Variants in RNF150 observed in about 807,000 individuals in gnomAD.
The protein encoded by RNF150 is ring finger protein 150.
RNF150 carries 24 observed loss-of-function variants against 39.3 expected under a neutral mutation model. The ratio of observed to expected loss-of-function variants is 0.61; its 90% confidence interval spans 0.44 to 0.86. The LOEUF (loss-of-function observed/expected upper bound fraction) is 0.86. Ranked by LOEUF, RNF150 falls within the 40% of genes least tolerant of loss-of-function variation. RNF150 has a pLI of 0.00. For missense variants in RNF150, 502 were observed against 587.8 expected (o/e 0.85, Z 1.51); for synonymous variants, 255 against 227.3 (o/e 1.12, Z -1.10).
At chr4:140,960,898 C>T (rs951537718) in intron 2 of RNF150, among the ~76,000 whole-genome samples, 2 of 152,136 alleles carry the variant, frequency 1.3e-5, no homozygotes, top group Admixed American at 1.3e-4. Context: ...TAACAACCCT[C>T]TAATAATATG....
intron 1 of RNF150, among the ~76,000 whole-genome samples, chr4:141,160,818 C>A (rs1012638110): frequency 6.6e-6 from 1 of 152,210 alleles, no homozygotes; most frequent in Admixed American, 6.5e-5. Context: ...GAAGCCTCCC[C>A]AGGAGCTGAG....
chr4:140,973,874 T>TAA lies in RNF150; in HGVS notation c.485-6003_485-6002dup, dbSNP rs566506401. 2.8e-3 allele frequency among the ~76,000 whole-genome samples: 311 copies of TAA among 110,466 alleles called. 3 individuals carry two copies. Among genetic ancestry groups the TAA allele is most frequent in the African/African-American group, 8.7e-3 (250 of 28,590 alleles). The allele number at this position is 110,466 out of a possible 152,430, so 72.5% of individuals were successfully genotyped here. A position where few individuals can be genotyped will look rare whatever the true frequency, so the allele number is the denominator to read the frequency against. The stretch of plus-strand genomic sequence containing the variant: ...CCTGGGTGACAAGTGAGACTCTGTT[T>TAA]AAAAAAAAAAAAAAAAAAAAAAAGA... On this transcript the variant is annotated intron_variant, in intron 1 of 6. Transcript: ENST00000515673.
chr4:141,207,976 G>A (rs1244921687), intron 1 of RNF150, among the ~76,000 whole-genome samples: 1 of 149,554 alleles, frequency 6.7e-6, no homozygotes, highest in East Asian at 2.0e-4. Flanking sequence ...AAAAAAAAGC[G>A]TTGAGGAAAC....
At chr4:140,964,955 G>T (rs1340498920) in intron 2 of RNF150, among the ~76,000 whole-genome samples, 1 of 151,652 alleles carries the variant, frequency 6.6e-6, no homozygotes, top group Non-Finnish European at 1.5e-5. Flanking sequence ...ATATGAGGGG[G>T]GGAGAGATTA....
In RNF150 at chr4:140,925,977, C is replaced by T; in HGVS notation, c.987G>A (p.Pro329=). Residue 329 remains proline, a splice_region_variant and synonymous_variant, in exon 5 of 7, where the codon CCG becomes CCA. Transcript: ENST00000515673. ...ATGCTGTAGGCTGTGCTGTGCTTAC[C>T]GGGATCCCTAGGGCTTTAAGAATGT... The part of the protein sequence containing the change: ...KMNILKALGI[P]PNADCMDDLP... The T allele has an allele frequency of 2.5e-6, 4 of 1,606,372 alleles. No individual in the cohort carries two copies. The highest frequency in any genetic ancestry group is 3.4e-6 in the Non-Finnish European group (4 of 1,172,990).
At chr4:141,103,874 C>A (rs1055494332) in intron 1 of RNF150, among the ~76,000 whole-genome samples, 9 of 152,030 alleles carry the variant, frequency 5.9e-5, no homozygotes, top group Admixed American at 2.6e-4. Flanking sequence ...TAGGATGATT[C>A]TATTTTCAAA....
intron 1 of RNF150, among the ~76,000 whole-genome samples, chr4:141,159,887 T>G (rs1727481366): frequency 1.3e-5 from 2 of 152,108 alleles, no homozygotes; most frequent in South Asian, 4.1e-4. Context: ...TTTCAGCCAT[T>G]GTCAAATGCC....
chr4:141,000,006 A>AAGG (rs1734563075), intron 1 of RNF150, among the ~76,000 whole-genome samples: 1 of 31,366 alleles, frequency 3.2e-5, no homozygotes. Flanking sequence ...GAAGAAGAAG[A>AAGG]AGAAGAAGAA....
chr4:141,120,564 T>G (rs1214363945), intron 1 of RNF150, among the ~76,000 whole-genome samples: 1 of 152,062 alleles, frequency 6.6e-6, no homozygotes, highest in Non-Finnish European at 1.5e-5. Flanking sequence ...GAATGGCTAC[T>G]AGACTTTCTT....
At chr4:140,904,618 T>C (rs1419579220) in intron 6 of RNF150, among the ~76,000 whole-genome samples, 1 of 152,266 alleles carries the variant, frequency 6.6e-6, no homozygotes. Flanking sequence ...CAGTATATTT[T>C]GTAGTCACAT....
intron 1 of RNF150, among the ~76,000 whole-genome samples, chr4:141,068,171 C>CGTT (rs1737537772): frequency 6.6e-6 from 1 of 152,096 alleles, no homozygotes; most frequent in Non-Finnish European, 1.5e-5. Flanking sequence ...TCTTGAACAC[C>CGTT]TAACCTCATG....
At position 140,947,793 on chromosome 4, in the gene RNF150, T is replaced by C. The variant is rs150635794; in HGVS notation, c.808-57A>G. The C allele has an allele frequency of 4.1e-5, 51 of 1,245,492 alleles. No individual in the cohort carries two copies. In the African/African-American group the frequency reaches 7.1e-4, roughly 17 times the overall value. The allele number at this position is 1,245,492 out of a possible 1,614,324, so 77.2% of individuals were successfully genotyped here. On this transcript the variant is annotated intron_variant, in intron 3 of 6. Transcript: ENST00000515673. Reference sequence around the variant, plus strand: ...TTCTTAGCTTCATCTCTTGTGTAAATATCCAAGCCAAAACCCAAGGAGAGC... The same window carrying C: ...TTCTTAGCTTCATCTCTTGTGTAAACATCCAAGCCAAAACCCAAGGAGAGC...
chr4:141,066,847 T>C (rs1737480557), intron 1 of RNF150, among the ~76,000 whole-genome samples: 1 of 152,208 alleles, frequency 6.6e-6, no homozygotes, highest in South Asian at 2.1e-4. Context: ...TTTTGAGAAA[T>C]GTGTCATTAG....
chr4:141,119,417 T>C (rs1169806448), intron 1 of RNF150, among the ~76,000 whole-genome samples: 2 of 152,206 alleles, frequency 1.3e-5, no homozygotes, highest in South Asian at 2.1e-4. Flanking sequence ...CAGGGCCCCT[T>C]GAGGCATCTG....
chr4:141,104,036 G>A (rs971189020), intron 1 of RNF150, among the ~76,000 whole-genome samples: 2 of 152,178 alleles, frequency 1.3e-5, no homozygotes, highest in African/African-American at 2.4e-5. Context: ...ACTTAATGGA[G>A]ATCGTGTGTT....
intron 1 of RNF150, among the ~76,000 whole-genome samples, chr4:141,196,517 G>A (rs921329847): frequency 6.6e-6 from 1 of 152,128 alleles, no homozygotes; most frequent in Admixed American, 6.5e-5. Flanking sequence ...AGCTCTTTGG[G>A]TTTGCCTTTG....
chr4:140,944,404 T>G (rs1732205525), intron 4 of RNF150: 1 of 152,306 alleles, frequency 6.6e-6, no homozygotes, highest in African/African-American at 2.4e-5. Context: ...TCATGGTAGA[T>G]GTACACATCC....
At chr4:140,907,786 G>A (rs1272790074) in intron 6 of RNF150, among the ~76,000 whole-genome samples, 2 of 152,090 alleles carry the variant, frequency 1.3e-5, no homozygotes, top group African/African-American at 2.4e-5. Flanking sequence ...TACAACCTTG[G>A]ATCAGTGACA....
chr4:140,911,169 C>T lies in RNF150; in HGVS notation c.1173G>A (p.Glu391=), dbSNP rs1407358319. 2 of 1,614,106 alleles carry T rather than the reference C, an allele frequency of 1.2e-6. No homozygotes were observed. Among genetic ancestry groups the T allele is most frequent in the East Asian group, 2.2e-5 (1 of 44,886 alleles). The change falls in exon 6 of 7, where the codon GAG becomes GAA. Residue 391 remains glutamate, a synonymous_variant. Coordinates refer to ENST00000515673, the MANE Select transcript of RNF150 (RefSeq NM_020724.2). ...VVQDTDPIPQ[E]GDVIFTTNSE... ...TGTTAGTAGTAAAGATGACGTCTCC[C>T]TCCTGGGGGATGGGGTCTGTATCCT...
Sources: allele counts gnomAD v4.1 joint callset (sites outside exome capture counted in the v4.1 genomes callset), GRCh38; gene constraint gnomAD v4.1.1; transcripts MANE v1.5; gene names NCBI Gene and HGNC (gene_info 2026-07-23, HGNC 2026-07-21).